The following MFHAS1 variants were observed in gnomAD, a reference collection of about 807,000 sequenced individuals.
The protein encoded by MFHAS1 is multifunctional ROCO family signaling regulator 1.
MFHAS1 carries 50 observed loss-of-function variants against 70.4 expected under a neutral mutation model. The observed-to-expected ratio is 0.71, with a 90% CI of 0.57 to 0.90. The LOEUF (loss-of-function observed/expected upper bound fraction) is 0.90, where lower values mean the gene tolerates loss of function less well. Ranked by LOEUF, MFHAS1 falls within the 40% of genes least tolerant of loss-of-function variation. The pLI is 0.00. For synonymous variants in MFHAS1, 952 were observed against 620.0 expected (o/e 1.54, Z -7.96); for missense variants, 1,795 against 1,347.6 (o/e 1.33, Z -5.20).
chr8:8,863,354 T>A (rs777391664), intron 1 of MFHAS1, among the ~76,000 whole-genome samples: 2 of 152,210 alleles, frequency 1.3e-5, no homozygotes, highest in South Asian at 4.1e-4. Context: ...CTGATGCTGT[T>A]ACTCCCTCCA....
At chr8:8,856,843 G>A (rs762721636) in intron 1 of MFHAS1, among the ~76,000 whole-genome samples, 7 of 152,014 alleles carry the variant, frequency 4.6e-5, no homozygotes, top group Non-Finnish European at 7.4e-5. Context: ...CTGCACACGG[G>A]AAACCTTGCA....
chr8:8,892,881 C>G lies in MFHAS1; in HGVS notation c.178G>C (p.Ala60Pro), dbSNP rs201309261. ...AGTGCCTCAATGTCCCCGAGGTTGG[C>G]CGGCAGCACGAGCTGGGGGGAGGCG... Reference protein sequence around the residue: ...SPASPQLVLPANLGDIEALNL... With the variant: ...SPASPQLVLPPNLGDIEALNL... Residue 60 changes from alanine to proline, a missense_variant, in exon 1 of 3, where the codon GCC becomes CCC. Coordinates refer to ENST00000276282, the MANE Select transcript of MFHAS1 (RefSeq NM_004225.3). This position sits in a 1 kb window ranked among gnomAD's most constrained non-coding sequence, Gnocchi z 4.7. 1.7e-5 allele frequency: 27 copies of G among 1,584,200 alleles called. No individual in the cohort carries two copies. Among genetic ancestry groups the G allele is most frequent in the Admixed American group, 1.2e-4 (7 of 56,332 alleles).
chr8:8,817,885 G>C (rs1806806955), intron 1 of MFHAS1, among the ~76,000 whole-genome samples: 1 of 152,178 alleles, frequency 6.6e-6, no homozygotes, highest in Non-Finnish European at 1.5e-5. Flanking sequence ...AGAAATGTGA[G>C]CTACGGGGAG....
chr8:8,796,066 G>A (rs1264601223), intron 2 of MFHAS1, among the ~76,000 whole-genome samples: 9 of 152,228 alleles, frequency 5.9e-5, no homozygotes, highest in South Asian at 2.1e-4. Flanking sequence ...GCTTAAAAGC[G>A]GCCTCTTTGG....
intron 1 of MFHAS1, among the ~76,000 whole-genome samples, chr8:8,840,983 G>A (rs1040397069): frequency 6.6e-6 from 1 of 152,142 alleles, no homozygotes; most frequent in African/African-American, 2.4e-5. Flanking sequence ...CTATGACATT[G>A]TATGTAAAAC....
chr8:8,839,522 T>C (rs969959907), intron 1 of MFHAS1, among the ~76,000 whole-genome samples: 1 of 152,192 alleles, frequency 6.6e-6, no homozygotes, highest in Admixed American at 6.5e-5. Context: ...AATTATGAAA[T>C]TAGTGACTGT....
intron 1 of MFHAS1, among the ~76,000 whole-genome samples, chr8:8,888,779 A>T (rs1423740089): frequency 6.6e-6 from 1 of 152,214 alleles, no homozygotes; most frequent in African/African-American, 2.4e-5. Context: ...TGGGGGATAC[A>T]GGTCATTGGA....
At chr8:8,800,252 C>A (rs1022510748) in intron 1 of MFHAS1, among the ~76,000 whole-genome samples, 1 of 152,208 alleles carries the variant, frequency 6.6e-6, no homozygotes, top group Non-Finnish European at 1.5e-5. Flanking sequence ...AAACAGCAAA[C>A]TGCTACAAAA....
intron 1 of MFHAS1, among the ~76,000 whole-genome samples, chr8:8,807,171 C>T (rs1419035357): frequency 6.6e-6 from 1 of 152,124 alleles, no homozygotes; most frequent in Non-Finnish European, 1.5e-5. Context: ...ACCACAAGGG[C>T]AGGGACTATT....
At chr8:8,853,889 G>C (rs999145137) in intron 1 of MFHAS1, among the ~76,000 whole-genome samples, 1 of 152,158 alleles carries the variant, frequency 6.6e-6, no homozygotes, top group Non-Finnish European at 1.5e-5. Flanking sequence ...TTATCCAACT[G>C]TTGTAGGTTA....
intron 1 of MFHAS1, among the ~76,000 whole-genome samples, chr8:8,863,715 G>A (rs1250486083): frequency 6.6e-6 from 1 of 152,064 alleles, no homozygotes; most frequent in Non-Finnish European, 1.5e-5. Context: ...TTTTCACTAA[G>A]AGTCTGGCCC....
At chr8:8,839,892 G>A (rs1056980181) in intron 1 of MFHAS1, among the ~76,000 whole-genome samples, 2 of 152,052 alleles carry the variant, frequency 1.3e-5, no homozygotes, top group African/African-American at 4.8e-5. Flanking sequence ...TGTCTCAGAT[G>A]AGTATTTCCA....
intron 1 of MFHAS1, among the ~76,000 whole-genome samples, chr8:8,825,130 C>G (rs575072268): frequency 9.8e-5 from 15 of 152,330 alleles, no homozygotes; most frequent in Middle Eastern, 3.4e-3. Context: ...CTAAGGCTAT[C>G]ATAACACAGG....
chr8:8,856,235 A>G (rs966055459), intron 1 of MFHAS1, among the ~76,000 whole-genome samples: 1 of 152,190 alleles, frequency 6.6e-6, no homozygotes, highest in African/African-American at 2.4e-5. Flanking sequence ...ATGGTACAAG[A>G]GTCACTGGTC....
At chr8:8,788,065 A>C (rs1420148660) in intron 2 of MFHAS1, among the ~76,000 whole-genome samples, 1 of 152,130 alleles carries the variant, frequency 6.6e-6, no homozygotes, top group Non-Finnish European at 1.5e-5. Flanking sequence ...TTCCTGGTAG[A>C]GTTCTTTCTT....
intron 1 of MFHAS1, among the ~76,000 whole-genome samples, chr8:8,859,700 T>C (rs1243527766): frequency 1.3e-5 from 2 of 152,252 alleles, no homozygotes; most frequent in Admixed American, 6.5e-5. Context: ...TCTAGTTTAC[T>C]ATATTGTAAG....
chr8:8,820,481 CT>C (rs1310000730), intron 1 of MFHAS1, among the ~76,000 whole-genome samples: 1 of 152,196 alleles, frequency 6.6e-6, no homozygotes, highest in Non-Finnish European at 1.5e-5. Flanking sequence ...GTCCCAATTC[CT>C]TTATTCACTT....
intron 1 of MFHAS1, among the ~76,000 whole-genome samples, chr8:8,883,128 G>C (rs1809593983): frequency 6.6e-6 from 1 of 152,078 alleles, no homozygotes; most frequent in African/African-American, 2.4e-5. Flanking sequence ...ACTCCAGCCT[G>C]GGCGCCAGAG....
chr8:8,793,702 C>G (rs776807584), intron 2 of MFHAS1, among the ~76,000 whole-genome samples: 1 of 152,228 alleles, frequency 6.6e-6, no homozygotes, highest in East Asian at 1.9e-4. Context: ...TGCTGCAGAG[C>G]AGGTATTGAC....
Sources: allele counts gnomAD v4.1 joint callset (sites outside exome capture counted in the v4.1 genomes callset), GRCh38; gene constraint gnomAD v4.1.1; non-coding constraint Gnocchi (gnomAD v3.1); transcripts MANE v1.5; gene names NCBI Gene and HGNC (gene_info 2026-07-23, HGNC 2026-07-21).